VPS13B: variants seen among roughly 807,000 people sequenced by gnomAD.
The protein encoded by VPS13B is intermembrane lipid transfer protein VPS13B.
VPS13B carries 285 observed loss-of-function variants against 426.4 expected under a neutral mutation model. The ratio of observed to expected loss-of-function variants is 0.67; its 90% CI spans 0.61 to 0.74. The LOEUF (loss-of-function observed/expected upper bound fraction) is 0.74. VPS13B is among the 30% of genes least tolerant of loss of function. VPS13B has a pLI of 0.00. For synonymous variants in VPS13B, 1,676 were observed against 1,676.4 expected (o/e 1.00, Z 0.01); for missense variants, 4,537 against 4,782.6 (o/e 0.95, Z 1.51).
chr8:99,397,597 A>G (rs1181789163), intron 21 of VPS13B, among the ~76,000 whole-genome samples: 1 of 152,180 alleles, frequency 6.6e-6, no homozygotes, highest in Non-Finnish European at 1.5e-5. Flanking sequence ...ACAAGATCCA[A>G]TTTTGTCTCT....
chr8:99,625,723 A>G (rs543465815), intron 33 of VPS13B, among the ~76,000 whole-genome samples: 1 of 152,186 alleles, frequency 6.6e-6, no homozygotes, highest in East Asian at 1.9e-4. Context: ...GCACACGCCT[A>G]TAGTCGCAGC....
At chr8:99,123,812 A>G (rs1435812435) in intron 8 of VPS13B, among the ~76,000 whole-genome samples, 1 of 152,178 alleles carries the variant, frequency 6.6e-6, no homozygotes, top group East Asian at 1.9e-4. Flanking sequence ...TTGAGCTGTG[A>G]CATTTTGAGA....
intron 3 of VPS13B, among the ~76,000 whole-genome samples, chr8:99,055,992 T>C (rs1318525390): frequency 4.0e-5 from 6 of 151,368 alleles, no homozygotes; most frequent in African/African-American, 1.2e-4. Context: ...CTTCCCACCT[T>C]GTCCTCCCAA....
intron 43 of VPS13B, among the ~76,000 whole-genome samples, chr8:99,802,253 G>A (rs1193952621): frequency 6.6e-6 from 1 of 151,888 alleles, no homozygotes; most frequent in Non-Finnish European, 1.5e-5. Context: ...TAGCAATATA[G>A]CAAGCCAGAC....
intron 43 of VPS13B, among the ~76,000 whole-genome samples, chr8:99,796,148 G>T (rs1186209652): frequency 2.0e-5 from 3 of 152,132 alleles, no homozygotes; most frequent in Non-Finnish European, 2.9e-5. Context: ...TATTTAGGGG[G>T]ATAGAATTAT....
At chr8:99,456,093 G>A (rs1163457719) in intron 23 of VPS13B, among the ~76,000 whole-genome samples, 2 of 152,258 alleles carry the variant, frequency 1.3e-5, no homozygotes, top group East Asian at 1.9e-4. Context: ...TAGGGTTAGC[G>A]TAGCTGTGGG....
chr8:99,029,110 C>T (rs568828080), intron 2 of VPS13B, among the ~76,000 whole-genome samples: 49 of 148,850 alleles, frequency 3.3e-4, no homozygotes, highest in Middle Eastern at 3.4e-3. Context: ...GGGTTGCGGC[C>T]GGGCAGAGGC....
At chr8:99,739,151 A>T (rs1833958749) in intron 39 of VPS13B, among the ~76,000 whole-genome samples, 1 of 152,236 alleles carries the variant, frequency 6.6e-6, no homozygotes, top group African/African-American at 2.4e-5. Flanking sequence ...CAATGGTCTT[A>T]GCAAACGGCA....
chr8:99,136,632 A>G (rs771419604), intron 11 of VPS13B, 33 bp from the exon 12 acceptor site: 2 of 1,610,420 alleles, frequency 1.2e-6, no homozygotes, highest in Admixed American at 1.7e-5. Context: ...CTTTTATACA[A>G]TGTTTATTCT....
chr8:99,518,842 A>G (rs1458631135), intron 29 of VPS13B, among the ~76,000 whole-genome samples: 1 of 152,182 alleles, frequency 6.6e-6, no homozygotes, highest in Non-Finnish European at 1.5e-5. Flanking sequence ...TTTGGGCACC[A>G]CAGTTTGGGA....
At chr8:99,701,874 G>C (rs1434531512) in intron 36 of VPS13B, among the ~76,000 whole-genome samples, 6 of 152,044 alleles carry the variant, frequency 3.9e-5, no homozygotes, top group Non-Finnish European at 8.8e-5. Context: ...ATAATAAACT[G>C]TAATTACATG....
chr8:99,418,516 C>A (rs372049688), intron 21 of VPS13B, among the ~76,000 whole-genome samples: 2 of 69,568 alleles, frequency 2.9e-5, no homozygotes, highest in Non-Finnish European at 6.3e-5. Context: ...TCTTTCTTTC[C>A]TTTCTTTCTT....
At chr8:99,295,654 G>A (rs1404871189) in intron 19 of VPS13B, among the ~76,000 whole-genome samples, 1 of 152,098 alleles carries the variant, frequency 6.6e-6, no homozygotes, top group African/African-American at 2.4e-5. Flanking sequence ...TTACCCTTGT[G>A]ATCACTTTCT....
At chr8:99,830,037 C>T (rs1814954817) in intron 51 of VPS13B, among the ~76,000 whole-genome samples, 1 of 152,164 alleles carries the variant, frequency 6.6e-6, no homozygotes, top group South Asian at 2.1e-4. Context: ...GTCTGTCAAC[C>T]CCTGCTGGGA....
intron 39 of VPS13B, among the ~76,000 whole-genome samples, chr8:99,731,544 A>C (rs1833599707): frequency 6.6e-6 from 1 of 152,198 alleles, no homozygotes; most frequent in Non-Finnish European, 1.5e-5. Context: ...AACCACTGGC[A>C]GTCCAGAGCT....
intron 19 of VPS13B, among the ~76,000 whole-genome samples, chr8:99,289,062 T>TGAATGAATGAATGAATGAATGAATGAAA (rs1384234294): frequency 1.3e-5 from 2 of 148,820 alleles, no homozygotes; most frequent in Non-Finnish European, 1.5e-5. Context: ...AATGAATGAA[T>TGAATGAATGAATGAATGAATGAATGAAA]GAAAGAAGGA....
chr8:99,321,270 G>T lies in VPS13B; in HGVS notation c.2824+46016G>T, dbSNP rs369650193. On this transcript the variant is annotated intron_variant, in intron 19 of 61. Transcript: ENST00000357162. ...CTGTCGCCCAGGCTGGAGTGCAGTG[G>T]CGTGATTTCAGCTCCTGCAGCCTCC... 5.2e-4 allele frequency among the ~76,000 whole-genome samples: 77 copies of T among 148,090 alleles called. 1 individual carries two copies. The East Asian group carries it at 0.015, about 28-fold the overall frequency.
intron 35 of VPS13B, chr8:99,696,971 G>A (rs1230981649): frequency 1.7e-5 from 11 of 639,324 alleles, no homozygotes; most frequent in Non-Finnish European, 2.9e-5. Context: ...TGAACGTCAA[G>A]GGGCTGCAGC....
At chr8:99,393,116 C>A (rs1814531556) in intron 21 of VPS13B, among the ~76,000 whole-genome samples, 1 of 151,360 alleles carries the variant, frequency 6.6e-6, no homozygotes. Flanking sequence ...GCATGTAAAC[C>A]ATATATTTAA....
Sources: allele counts gnomAD v4.1 joint callset (sites outside exome capture counted in the v4.1 genomes callset), GRCh38; gene constraint gnomAD v4.1.1; transcripts MANE v1.5; gene names NCBI Gene and HGNC (gene_info 2026-07-23, HGNC 2026-07-21).